Variants in CDC14B observed in about 807,000 individuals in gnomAD.
The protein encoded by CDC14B is dual specificity protein phosphatase CDC14B.
Under a neutral mutation model 64.2 loss-of-function variants are expected in CDC14B, and 22 were observed. The observed-to-expected ratio is 0.34, with a 90% CI of 0.24 to 0.49. CDC14B has a LOEUF of 0.49. CDC14B is among the 20% of genes least tolerant of loss of function. The pLI is 0.99. For missense variants in CDC14B, 498 were observed against 629.9 expected (o/e 0.79, Z 2.24); for synonymous variants, 191 against 215.8 (o/e 0.89, Z 1.01).
In CDC14B at chr9:96,544,716, C is replaced by T. The variant is rs565301376; in HGVS notation, c.498-2824G>A. On this transcript the variant is annotated intron_variant, in intron 5 of 13. Coordinates refer to ENST00000375241, the MANE Select transcript of CDC14B (RefSeq NM_033331.4). ...TTCACCATGTTGCCCAGGCTGGTCT[C>T]GAACTCCTGAGCTCAAGCACTCTGC... Among the ~76,000 whole-genome samples, 8 of 152,214 alleles carry T rather than the reference C, an allele frequency of 5.3e-5. No homozygotes were observed. In the East Asian group the frequency reaches 9.6e-4, roughly 18 times the overall value.
At chr9:96,590,426 T>G (rs1447813194) in intron 1 of CDC14B, among the ~76,000 whole-genome samples, 1 of 152,206 alleles carries the variant, frequency 6.6e-6, no homozygotes, top group Non-Finnish European at 1.5e-5. Flanking sequence ...ACCTCTTGGC[T>G]CTTGTGAAAA....
At chr9:96,538,848 C>T (rs1344793382) in intron 7 of CDC14B, 4 of 448,974 alleles carry the variant, frequency 8.9e-6, no homozygotes, top group Middle Eastern at 6.3e-4. Context: ...TGCTTGAAAT[C>T]TGCTAGAGTA....
chr9:96,602,968 T>G (rs540567432), intron 1 of CDC14B, among the ~76,000 whole-genome samples: 26 of 152,112 alleles, frequency 1.7e-4, no homozygotes, highest in African/African-American at 6.3e-4. Flanking sequence ...CATCTCGACT[T>G]AGAGAAGCTT....
At chr9:96,561,778 C>T (rs553183289) in intron 4 of CDC14B, among the ~76,000 whole-genome samples, 11 of 152,198 alleles carry the variant, frequency 7.2e-5, no homozygotes, top group Admixed American at 5.2e-4. Context: ...TAAGCCACTG[C>T]GCCCGGCCAA....
At chr9:96,600,160 C>T (rs566624090) in intron 1 of CDC14B, among the ~76,000 whole-genome samples, 1 of 151,694 alleles carries the variant, frequency 6.6e-6, no homozygotes, top group East Asian at 1.9e-4. Context: ...TTTGGTAGGC[C>T]GAGGTGGGAG....
downstream of CDC14B, among the ~76,000 whole-genome samples, chr9:96,497,638 C>G (rs566657849): frequency 6.6e-5 from 10 of 152,312 alleles, no homozygotes; most frequent in African/African-American, 2.2e-4. Flanking sequence ...CGGGCAGCGG[C>G]GACTGTGCAT....
At chr9:96,520,783 C>T (rs1238625546) in intron 12 of CDC14B, among the ~76,000 whole-genome samples, 5 of 152,102 alleles carry the variant, frequency 3.3e-5, no homozygotes, top group Admixed American at 2.0e-4. Context: ...CCAGCAGCCT[C>T]GGATAGAAAT....
At chr9:96,494,954 C>T (rs1833188193) in intron 13 of CDC14B, among the ~76,000 whole-genome samples, 2 of 151,570 alleles carry the variant, frequency 1.3e-5, no homozygotes, top group Non-Finnish European at 2.9e-5. Context: ...CCTGCCTCAG[C>T]CTCCCAAGTA....
At chr9:96,604,706 T>C (rs1554780659) in intron 1 of CDC14B, among the ~76,000 whole-genome samples, 1 of 150,598 alleles carries the variant, frequency 6.6e-6, no homozygotes, top group Non-Finnish European at 1.5e-5. Flanking sequence ...TCTTGCTCTG[T>C]CCCCCAGGCT....
chr9:96,590,650 G>GTTT (rs111524053), intron 1 of CDC14B, among the ~76,000 whole-genome samples: 2 of 140,904 alleles, frequency 1.4e-5, no homozygotes, highest in African/African-American at 5.1e-5. Flanking sequence ...TTATTTCCTG[G>GTTT]TTTTTTTTTT....
intron 1 of CDC14B, among the ~76,000 whole-genome samples, chr9:96,568,855 T>C (rs1254915409): frequency 6.6e-6 from 1 of 151,586 alleles, no homozygotes; most frequent in East Asian, 1.9e-4. Context: ...AGGTGGAGGT[T>C]GCAGTGAGCC....
intron 9 of CDC14B, among the ~76,000 whole-genome samples, chr9:96,528,536 AAAAGAAG>A (rs1223333309): frequency 6.7e-6 from 1 of 150,204 alleles, no homozygotes; most frequent in African/African-American, 2.5e-5. Context: ...AAAAGAAAAA[AAAAGAAG>A]AAGAAGAAGA....
chr9:96,532,066 A>T (rs1445258603), intron 9 of CDC14B, among the ~76,000 whole-genome samples: 1 of 152,080 alleles, frequency 6.6e-6, no homozygotes, highest in African/African-American at 2.4e-5. Flanking sequence ...TTAGGGGTCT[A>T]TTCAGATTTT....
chr9:96,517,061 C>T (rs1249980038), intron 12 of CDC14B, among the ~76,000 whole-genome samples: 6 of 150,540 alleles, frequency 4.0e-5, no homozygotes, highest in Admixed American at 1.3e-4. Flanking sequence ...AGGGGTCGGC[C>T]GGGCGCAGTG....
intron 7 of CDC14B, 128 bp from the exon 8 acceptor site, chr9:96,534,670 A>G: frequency 1.6e-6 from 1 of 638,036 alleles, no homozygotes; most frequent in Admixed American, 2.9e-5. Context: ...ACAAATTGCC[A>G]TGAGACAGGA....
chr9:96,512,436 C>T (rs1835042180), intron 12 of CDC14B, among the ~76,000 whole-genome samples: 1 of 151,294 alleles, frequency 6.6e-6, no homozygotes, highest in Non-Finnish European at 1.5e-5. Flanking sequence ...CCTCCTACCT[C>T]AGCCTCCAGA....
intron 1 of CDC14B, among the ~76,000 whole-genome samples, chr9:96,610,116 CA>C (rs1221605993): frequency 3.3e-5 from 5 of 152,162 alleles, no homozygotes; most frequent in African/African-American, 9.7e-5. Context: ...CACACACACA[CA>C]CACCCATTCA....
intron 1 of CDC14B, among the ~76,000 whole-genome samples, chr9:96,615,351 A>G (rs994825829): frequency 2.0e-4 from 31 of 152,200 alleles, no homozygotes; most frequent in Non-Finnish European, 2.9e-5. Context: ...GCTAGATACT[A>G]AACAATAGTG....
chr9:96,593,347 C>T (rs936470455), intron 1 of CDC14B, among the ~76,000 whole-genome samples: 2 of 151,916 alleles, frequency 1.3e-5, no homozygotes, highest in Admixed American at 6.6e-5. Context: ...ATTAGCTGGG[C>T]GTAGTGGTGC....
Sources: gnomAD v4.1 joint callset for allele counts (sites outside exome capture counted in the v4.1 genomes callset) on GRCh38, gnomAD v4.1.1 for gene constraint, MANE v1.5 for transcripts, NCBI Gene and HGNC (gene_info 2026-07-23, HGNC 2026-07-21) for gene names.